CERS3: variants seen among roughly 807,000 people sequenced by gnomAD.
CERS3 encodes the protein LAG1 homolog, ceramide synthase 3.
In CERS3, 33 loss-of-function variants were observed where a neutral mutation model predicts 50.3. That is an observed-to-expected ratio of 0.66 (90% confidence interval 0.50 to 0.88). CERS3 has a LOEUF of 0.88. CERS3 is among the 40% of genes least tolerant of loss of function. The probability of loss-of-function intolerance (pLI) is 0.00; values close to 1 mark genes in which losing one functional copy is unlikely to be tolerated. For missense variants in CERS3, 470 were observed against 460.3 expected (o/e 1.02, Z -0.19); for synonymous variants, 176 against 155.2 (o/e 1.13, Z -0.99).
chr15:100,451,652 A>G (rs912103832), intron 11 of CERS3, among the ~76,000 whole-genome samples: 3 of 152,204 alleles, frequency 2.0e-5, no homozygotes, highest in African/African-American at 7.2e-5. Flanking sequence ...GCTTGCAGTG[A>G]GCCAAGATCG....
intron 8 of CERS3, 150 bp downstream of exon 8, chr15:100,475,936 T>A (rs539422737): frequency 2.5e-6 from 1 of 393,656 alleles, no homozygotes; most frequent in African/African-American, 2.1e-5. Context: ...TGAGTATAAT[T>A]AGCAATATTT....
intron 11 of CERS3, among the ~76,000 whole-genome samples, chr15:100,406,112 G>A (rs1292187425): frequency 3.3e-5 from 5 of 152,196 alleles, no homozygotes; most frequent in African/African-American, 1.2e-4. Context: ...GGAGATGGAG[G>A]TGCTATAGAT....
intron 4 of CERS3, among the ~76,000 whole-genome samples, chr15:100,490,570 AGTG>A (rs1235923082): frequency 2.0e-5 from 3 of 152,146 alleles, no homozygotes; most frequent in African/African-American, 7.2e-5. Flanking sequence ...ACTGATCATT[AGTG>A]CTCTACACTA....
chr15:100,455,567 C>A (rs574624876), intron 11 of CERS3, among the ~76,000 whole-genome samples: 11 of 152,152 alleles, frequency 7.2e-5, no homozygotes, highest in Admixed American at 7.2e-4. Flanking sequence ...TAAATATGCA[C>A]AAATATTACA....
At chr15:100,527,369 T>C (rs1267117902) in intron 1 of CERS3, among the ~76,000 whole-genome samples, 4 of 152,238 alleles carry the variant, frequency 2.6e-5, no homozygotes, top group African/African-American at 9.6e-5. Context: ...AATTTGAATT[T>C]TGATCTGTCT....
chr15:100,450,916 G>A (rs947102845), intron 11 of CERS3, among the ~76,000 whole-genome samples: 6 of 152,162 alleles, frequency 3.9e-5, no homozygotes, highest in Admixed American at 6.5e-5. Context: ...GTGGGGGAGG[G>A]GGGGAACCTG....
chr15:100,445,802 G>A (rs1023519610), intron 11 of CERS3, among the ~76,000 whole-genome samples: 1 of 152,118 alleles, frequency 6.6e-6, no homozygotes, highest in African/African-American at 2.4e-5. Flanking sequence ...AGACAGGAAT[G>A]TCAGGCCTCT....
chr15:100,407,010 T>C (rs1467701088), intron 11 of CERS3, among the ~76,000 whole-genome samples: 1 of 152,114 alleles, frequency 6.6e-6, no homozygotes, highest in Non-Finnish European at 1.5e-5. Flanking sequence ...TTATTCACTA[T>C]TGCGAGAACA....
upstream of CERS3, among the ~76,000 whole-genome samples, chr15:100,533,323 C>T (rs1205050891): frequency 1.3e-5 from 2 of 152,110 alleles, no homozygotes; most frequent in African/African-American, 2.4e-5. Context: ...TTTCGTCTGC[C>T]GTGTTCAGTG....
intron 1 of CERS3, among the ~76,000 whole-genome samples, chr15:100,522,668 C>T (rs2036671652): frequency 6.6e-6 from 1 of 152,180 alleles, no homozygotes; most frequent in African/African-American, 2.4e-5. Context: ...TTTAATATTC[C>T]ATCCCATGAC....
At chr15:100,417,288 G>T (rs12903311) in intron 11 of CERS3, among the ~76,000 whole-genome samples, 85,788 of 151,422 alleles carry the variant, frequency 0.57, 24,652 homozygotes, top group Non-Finnish European at 0.6. Flanking sequence ...AGGGGTCGGG[G>T]AGTTCCCTTT....
chr15:100,451,364 A>T (rs2034158971), intron 11 of CERS3, among the ~76,000 whole-genome samples: 1 of 152,190 alleles, frequency 6.6e-6, no homozygotes, highest in Admixed American at 6.5e-5. Flanking sequence ...TTTAAAAATG[A>T]CTCACTATAT....
intron 10 of CERS3, among the ~76,000 whole-genome samples, chr15:100,466,289 C>G (rs549670615): frequency 6.6e-6 from 1 of 152,202 alleles, no homozygotes; most frequent in African/African-American, 2.4e-5. Context: ...ATGGGATAGT[C>G]TGAGGTGAAT....
At chr15:100,471,751 A>T (rs567118114) in intron 9 of CERS3, among the ~76,000 whole-genome samples, 11 of 152,312 alleles carry the variant, frequency 7.2e-5, no homozygotes, top group African/African-American at 2.6e-4. Flanking sequence ...AATGGGATTT[A>T]CATGTCTAAT....
chr15:100,412,748 T>C lies in CERS3; in HGVS notation c.1000-9883A>G, dbSNP rs138809155. ...AACCAGTGTAAAATAGAATATGTTC[T>C]ATTTTTCACTAATTATTTCTTGCTA... On this transcript the variant is annotated intron_variant, in intron 11 of 11. Coordinates refer to ENST00000679737, the MANE Select transcript of CERS3 (RefSeq NM_001378789.1). Among the ~76,000 whole-genome samples the C allele has an allele frequency of 4.3e-3, 662 of 152,372 alleles. 5 individuals are homozygous for C. Among genetic ancestry groups the C allele is most frequent in the African/African-American group, 0.015 (604 of 41,596 alleles).
chr15:100,481,693 C>A (rs1028804157), intron 5 of CERS3, among the ~76,000 whole-genome samples: 3 of 152,162 alleles, frequency 2.0e-5, no homozygotes, highest in African/African-American at 7.2e-5. Context: ...CAGCCAATAT[C>A]CTAAAGGAAA....
chr15:100,448,568 C>A (rs1180808021), intron 11 of CERS3, among the ~76,000 whole-genome samples: 1 of 152,222 alleles, frequency 6.6e-6, no homozygotes, highest in Non-Finnish European at 1.5e-5. Flanking sequence ...CGAGGTCCCA[C>A]ATACCCCCTG....
chr15:100,408,372 G>A (rs1430943508), intron 11 of CERS3, among the ~76,000 whole-genome samples: 1 of 152,144 alleles, frequency 6.6e-6, no homozygotes, highest in Non-Finnish European at 1.5e-5. Context: ...GTCTGCACTT[G>A]TAGCCTCCAT....
At chr15:100,495,617 T>G (rs976305824) in intron 3 of CERS3, among the ~76,000 whole-genome samples, 1 of 152,230 alleles carries the variant, frequency 6.6e-6, no homozygotes, top group Non-Finnish European at 1.5e-5. Context: ...TTTGCCTATT[T>G]TTAAAACCAA....
Sources: allele counts gnomAD v4.1 joint callset (sites outside exome capture counted in the v4.1 genomes callset), GRCh38; gene constraint gnomAD v4.1.1; transcripts MANE v1.5; gene names NCBI Gene and HGNC (gene_info 2026-07-23, HGNC 2026-07-21).